The following GRID2 variants were observed in gnomAD, a reference collection of about 807,000 sequenced individuals.
GRID2 encodes the protein glutamate receptor ionotropic, delta-2.
Under a neutral mutation model 114.8 loss-of-function variants are expected in GRID2, and 33 were observed. That is an observed-to-expected ratio of 0.29 (90% CI 0.22 to 0.38). GRID2 has a LOEUF of 0.38. Ranked by LOEUF, GRID2 falls within the 10% of genes least tolerant of loss-of-function variation. The probability of loss-of-function intolerance (pLI) is 1.00; values close to 1 mark genes in which losing one functional copy is unlikely to be tolerated. For missense variants in GRID2, 1,184 were observed against 1,257.7 expected, an observed-to-expected ratio of 0.94 and a Z score of 0.89; for synonymous variants, 505 against 449.9, an observed-to-expected ratio of 1.12 and a Z score of -1.55.
At chr4:92,798,400 T>C (rs1388418466) in intron 2 of GRID2, among the ~76,000 whole-genome samples, 2 of 152,024 alleles carry the variant, frequency 1.3e-5, no homozygotes, top group Admixed American at 6.6e-5. Context: ...GGCTCTAGGA[T>C]TGAATGCTGT....
chr4:93,414,685 T>TTA (rs34416042), intron 9 of GRID2, among the ~76,000 whole-genome samples: 12,940 of 140,488 alleles, frequency 0.092, 668 homozygotes, highest in African/African-American at 0.11. Context: ...ATCTGACATT[T>TTA]TATATATATA....
At chr4:92,959,223 C>T (rs946592328) in intron 2 of GRID2, among the ~76,000 whole-genome samples, 1 of 150,718 alleles carries the variant, frequency 6.6e-6, no homozygotes, top group East Asian at 2.0e-4. Context: ...ACTATTATTA[C>T]TTCCAGTTAC....
intron 1 of GRID2, among the ~76,000 whole-genome samples, chr4:92,320,507 C>T (rs760615136): frequency 1.6e-4 from 25 of 152,032 alleles, no homozygotes; most frequent in Non-Finnish European, 3.1e-4. Context: ...CAGAGTCTCA[C>T]TCTGTTGCCC....
chr4:92,778,468 C>T (rs754657299), intron 2 of GRID2, among the ~76,000 whole-genome samples: 6 of 152,040 alleles, frequency 3.9e-5, no homozygotes, highest in African/African-American at 9.7e-5. Flanking sequence ...AGTACCCTCT[C>T]GTGTACATTC....
rs753689660 is a variant in GRID2, at chr4:92,313,119, GTGTA to G, written c.88+8377_88+8380del. On this transcript the variant is annotated intron_variant, in intron 1 of 15. Coordinates refer to ENST00000282020, the MANE Select transcript of GRID2 (RefSeq NM_001510.4). Reference sequence around the variant, plus strand: ...TGTGTGTGTGTGTGTGTGTGTGTGTGTGTATATGAGATGGAATACTACTCAGCCA... The same window carrying G: ...TGTGTGTGTGTGTGTGTGTGTGTGTGTATGAGATGGAATACTACTCAGCCA... Among the ~76,000 whole-genome samples the G allele has an allele frequency of 4.9e-3, 628 of 127,492 alleles. 2 individuals carry two copies. Among genetic ancestry groups the G allele is most frequent in the Admixed American group, 8.0e-3 (104 of 12,942 alleles). 83.6% of individuals were successfully genotyped at this position (127,492 alleles called of 152,430 possible).
intron 1 of GRID2, among the ~76,000 whole-genome samples, chr4:92,480,609 C>T (rs1256006121): frequency 1.3e-5 from 2 of 152,068 alleles, no homozygotes; most frequent in East Asian, 3.9e-4. Flanking sequence ...GGCTGTGATC[C>T]CTGCAGGGCT....
chr4:93,367,238 A>G (rs1423627227), intron 8 of GRID2, among the ~76,000 whole-genome samples: 1 of 85,056 alleles, frequency 1.2e-5, no homozygotes, highest in Non-Finnish European at 2.4e-5. Context: ...TGAAATTTTT[A>G]AACAGATATT....
chr4:93,038,670 A>G (rs926942127), intron 2 of GRID2, among the ~76,000 whole-genome samples: 31 of 152,122 alleles, frequency 2.0e-4, no homozygotes, highest in African/African-American at 7.5e-4. Flanking sequence ...GGGCACCTGT[A>G]GTCCCAGCTA....
rs369776528 is a variant in GRID2, at chr4:92,590,312, T to C, written c.244+26T>C. On this transcript the variant is annotated intron_variant, in intron 2 of 15. Coordinates refer to ENST00000282020, the MANE Select transcript of GRID2 (RefSeq NM_001510.4). ...GTAAGGTCATCAGTATTTATTTTGG[T>C]TTTTTGGTTCAATTCAAGTGGCAAT... is the stretch of plus-strand genomic sequence containing the variant. 4.9e-5 allele frequency: 76 copies of C among 1,562,798 alleles called. No individual in the cohort carries two copies. In the African/African-American group the frequency reaches 1.0e-3, roughly 20 times the overall value.
intron 1 of GRID2, among the ~76,000 whole-genome samples, chr4:92,330,026 A>AGAGAGAGAG (rs1553924493): frequency 6.6e-5 from 10 of 150,446 alleles, no homozygotes; most frequent in South Asian, 4.2e-4. Flanking sequence ...AGAGAGAGAG[A>AGAGAGAGAG]AACATGCTAG....
intron 10 of GRID2, among the ~76,000 whole-genome samples, chr4:93,436,369 C>G (rs1721087643): frequency 6.6e-6 from 1 of 152,130 alleles, no homozygotes; most frequent in African/African-American, 2.4e-5. Flanking sequence ...CTTTAACATT[C>G]ACTGGCTCTG....
intron 1 of GRID2, among the ~76,000 whole-genome samples, chr4:92,345,508 T>A (rs1187851214): frequency 2.0e-5 from 3 of 152,208 alleles, no homozygotes; most frequent in African/African-American, 7.2e-5. Flanking sequence ...TAGTTCTACT[T>A]GGAAACTTCG....
At chr4:92,662,229 A>C (rs1457197631) in intron 2 of GRID2, among the ~76,000 whole-genome samples, 1 of 150,940 alleles carries the variant, frequency 6.6e-6, no homozygotes, top group Non-Finnish European at 1.5e-5. Flanking sequence ...TTCAAAGGAA[A>C]CTTCTACAAG....
chr4:93,431,438 AT>A (rs1289162276), intron 10 of GRID2, among the ~76,000 whole-genome samples: 1 of 152,188 alleles, frequency 6.6e-6, no homozygotes, highest in Non-Finnish European at 1.5e-5. Context: ...ATGAAAAAAA[AT>A]AAGAAAGTTT....
chr4:92,318,754 G>A (rs571684135), intron 1 of GRID2, among the ~76,000 whole-genome samples: 5 of 152,060 alleles, frequency 3.3e-5, no homozygotes, highest in Admixed American at 6.6e-5. Flanking sequence ...GATTACAAGC[G>A]TGAGCACCAT....
At chr4:93,479,833 A>T (rs1327616920) in intron 11 of GRID2, among the ~76,000 whole-genome samples, 1 of 152,082 alleles carries the variant, frequency 6.6e-6, no homozygotes, top group Non-Finnish European at 1.5e-5. Context: ...GCCCCCACTG[A>T]TACAGCCAGA....
At chr4:93,218,543 G>A (rs1744501715) in intron 6 of GRID2, among the ~76,000 whole-genome samples, 1 of 152,048 alleles carries the variant, frequency 6.6e-6, no homozygotes, top group African/African-American at 2.4e-5. Context: ...CAAGAACCCA[G>A]CATCATAAGT....
At chr4:92,305,189 A>T (rs960369992) in intron 1 of GRID2, among the ~76,000 whole-genome samples, 7 of 151,184 alleles carry the variant, frequency 4.6e-5, no homozygotes, top group African/African-American at 1.5e-4. Context: ...GGGTAGGGGG[A>T]GCTCCCTTCG....
intron 2 of GRID2, among the ~76,000 whole-genome samples, chr4:92,684,125 A>G (rs1000103701): frequency 6.6e-6 from 1 of 152,070 alleles, no homozygotes; most frequent in Non-Finnish European, 1.5e-5. Context: ...ACCATTATGT[A>G]AATTTTAAAA....
Sources: gnomAD v4.1 joint callset for allele counts (sites outside exome capture counted in the v4.1 genomes callset) on GRCh38, gnomAD v4.1.1 for gene constraint, MANE v1.5 for transcripts, NCBI Gene and HGNC (gene_info 2026-07-23, HGNC 2026-07-21) for gene names.